SPATA6: variants seen among roughly 807,000 people sequenced by gnomAD.
SPATA6 encodes spermatogenesis associated 6, also known as spermatogenesis-associated protein 6.
In SPATA6, 56 loss-of-function variants were observed where a neutral mutation model predicts 65.3. That is an observed-to-expected ratio of 0.86 (90% CI 0.69 to 1.07). The LOEUF (loss-of-function observed/expected upper bound fraction) is 1.07. SPATA6 is among the 50% of genes least tolerant of loss of function. The pLI is 0.00. For missense variants in SPATA6, 590 were observed against 594.8 expected, an observed-to-expected ratio of 0.99 and a Z score of 0.08; for synonymous variants, 199 against 213.2, an observed-to-expected ratio of 0.93 and a Z score of 0.58.
the SPATA6 span, among the ~76,000 whole-genome samples, chr1:48,276,833 A>C: frequency 6.6e-6 from 1 of 152,190 alleles, no homozygotes; most frequent in Non-Finnish European, 1.5e-5. Context: ...AATTGTGTAG[A>C]TGTATATTAG....
chr1:48,428,864 T>C (rs1315709379), intron 3 of SPATA6, among the ~76,000 whole-genome samples: 1 of 133,174 alleles, frequency 7.5e-6, no homozygotes, highest in East Asian at 2.5e-4. Flanking sequence ...TGTATATATA[T>C]ATACACGTGT....
At chr1:48,352,907 A>T in intron 11 of SPATA6, among the ~76,000 whole-genome samples, 1 of 146,432 alleles carries the variant, frequency 6.8e-6, no homozygotes. Flanking sequence ...TAAATACAAA[A>T]AAAAAAAAAA....
At chr1:48,306,779 T>C (rs1173200456) in intron 11 of SPATA6, among the ~76,000 whole-genome samples, 1 of 151,918 alleles carries the variant, frequency 6.6e-6, no homozygotes, top group African/African-American at 2.4e-5. Flanking sequence ...AAGAGAGCAT[T>C]ATGTGTAAAC....
At chr1:48,368,940 C>A (rs1386688969) in intron 9 of SPATA6, among the ~76,000 whole-genome samples, 1 of 152,094 alleles carries the variant, frequency 6.6e-6, no homozygotes, top group African/African-American at 2.4e-5. Flanking sequence ...TACTTTTGGT[C>A]TTTGATGATG....
intron 1 of SPATA6, among the ~76,000 whole-genome samples, chr1:48,460,196 G>T (rs2787871): frequency 0.14 from 21,615 of 151,688 alleles, 1,750 homozygotes; most frequent in African/African-American, 0.21. Context: ...AAACTCCTAG[G>T]CTCAAGTGAT....
the SPATA6 span, among the ~76,000 whole-genome samples, chr1:48,281,386 G>A: frequency 1.3e-5 from 2 of 152,068 alleles, no homozygotes; most frequent in Non-Finnish European, 1.5e-5. Context: ...AAAAGAGGAA[G>A]TCAAATTGTC....
At position 48,305,871 on chromosome 1, in the gene SPATA6, C is replaced by G. The variant is rs369101569; in HGVS notation, c.1202G>C (p.Arg401Thr). Residue 401 changes from arginine (R) to threonine (T), a missense_variant, in exon 12 of 13, where the codon AGA becomes ACA. Physicochemically the swap from Arg to Thr is moderately conservative, Grantham distance 71 (BLOSUM62 -1). Coordinates refer to ENST00000371847, the MANE Select transcript of SPATA6 (RefSeq NM_019073.4). ...CAGTTCATCATCTTTCTCTAGGTCT[C>G]TCTCATCCTGAAAAATTTTAAAGAT... ...QAHQRHLYDE[R>T]DLEKDDELEL... 1 of 1,610,894 alleles carries G rather than the reference C, an allele frequency of 6.2e-7. No homozygotes were observed. Among genetic ancestry groups the G allele is most frequent in the Non-Finnish European group, 8.5e-7 (1 of 1,178,346 alleles).
the SPATA6 span, among the ~76,000 whole-genome samples, chr1:48,289,721 G>A: frequency 2.0e-5 from 3 of 152,314 alleles, no homozygotes; most frequent in Non-Finnish European, 2.9e-5. Context: ...TTCAGTAGCC[G>A]ATTCGATCAA....
intron 1 of SPATA6, among the ~76,000 whole-genome samples, chr1:48,459,652 C>T (rs988892355): frequency 3.3e-5 from 5 of 152,006 alleles, no homozygotes; most frequent in Admixed American, 2.0e-4. Flanking sequence ...GAAGGATACA[C>T]GTATTTTTTT....
rs756724667 is a variant in SPATA6, at chr1:48,365,042, T to C, written c.910-5272A>G. ...GGCTAGCCAGTTTTCCCAGCACCCT[T>C]TATTAAATAGGGAATCCTTTCCCCA... On this transcript the variant is annotated intron_variant, in intron 9 of 12. Transcript: ENST00000371847. Among the ~76,000 whole-genome samples, 59 of 152,320 alleles carry C rather than the reference T, an allele frequency of 3.9e-4. 1 individual carries two copies. Among genetic ancestry groups the C allele is most frequent in the Middle Eastern group, 6.8e-3 (2 of 294 alleles).
chr1:48,441,939 C>T (rs1027800045), intron 3 of SPATA6, among the ~76,000 whole-genome samples: 1 of 151,780 alleles, frequency 6.6e-6, no homozygotes, highest in Non-Finnish European at 1.5e-5. Flanking sequence ...CCTTGAGGGA[C>T]TGGTGTTTCA....
chr1:48,277,967 A>T, the SPATA6 span, among the ~76,000 whole-genome samples: 3 of 152,062 alleles, frequency 2.0e-5, no homozygotes. Context: ...ATGGCCAGGT[A>T]CTCCTCTGAC....
chr1:48,404,310 T>C (rs2147950696), intron 5 of SPATA6, among the ~76,000 whole-genome samples: 1 of 152,172 alleles, frequency 6.6e-6, no homozygotes, highest in East Asian at 1.9e-4. Flanking sequence ...CGTATACATA[T>C]ATCAAACATC....
intron 11 of SPATA6, among the ~76,000 whole-genome samples, chr1:48,329,348 G>C (rs1005485848): frequency 4.6e-5 from 7 of 152,018 alleles, no homozygotes; most frequent in Non-Finnish European, 1.0e-4. Flanking sequence ...AATAACATAA[G>C]CCTCTACTTT....
At chr1:48,404,364 AT>A (rs1205923785) in intron 5 of SPATA6, among the ~76,000 whole-genome samples, 3 of 151,914 alleles carry the variant, frequency 2.0e-5, no homozygotes, top group Admixed American at 6.6e-5. Context: ...TACTCAATTA[AT>A]TTTTTTTCTT....
At chr1:48,418,176 T>G (rs1202320553) in intron 3 of SPATA6, among the ~76,000 whole-genome samples, 1 of 152,162 alleles carries the variant, frequency 6.6e-6, no homozygotes, top group African/African-American at 2.4e-5. Flanking sequence ...AACTTTTGCT[T>G]AAAAAGACTT....
intron 9 of SPATA6, among the ~76,000 whole-genome samples, chr1:48,374,445 C>T (rs890610266): frequency 6.6e-6 from 1 of 152,140 alleles, no homozygotes; most frequent in Non-Finnish European, 1.5e-5. Context: ...AGACCATTTG[C>T]ATTCATATGG....
rs371089006 is a variant in SPATA6 at position 48,355,775 on chromosome 1, G to A, written c.1095-6C>T. ...AACACCAATCAGAATGAAATCTGTA[G>A]GCAAAAAATAAGTTTTATTTTTGTT... is the stretch of plus-strand genomic sequence containing the variant. On this transcript the variant is annotated splice_region_variant and splice_polypyrimidine_tract_variant and intron_variant, in intron 10 of 12. Coordinates refer to ENST00000371847, the MANE Select transcript of SPATA6 (RefSeq NM_019073.4). The A allele has an allele frequency of 4.4e-5, 71 of 1,604,902 alleles. No homozygotes were observed. The African/African-American group carries it at 5.1e-4, about 12-fold the overall frequency.
chr1:48,310,387 T>C (rs550379733), intron 11 of SPATA6, among the ~76,000 whole-genome samples: 1 of 152,326 alleles, frequency 6.6e-6, no homozygotes, highest in South Asian at 2.1e-4. Flanking sequence ...ACATGTTGGT[T>C]ATCAAGCCTA....
Sources: allele counts gnomAD v4.1 joint callset (sites outside exome capture counted in the v4.1 genomes callset), GRCh38; gene constraint gnomAD v4.1.1; transcripts MANE v1.5; gene names NCBI Gene and HGNC (gene_info 2026-07-23, HGNC 2026-07-21).